The following MAP3K5 variants were observed in gnomAD, a reference collection of about 807,000 sequenced individuals.
MAP3K5 encodes the protein mitogen-activated protein kinase kinase kinase 5, also known as ASK-1.
MAP3K5 carries 56 observed loss-of-function variants against 158.7 expected under a neutral mutation model. The observed-to-expected ratio is 0.35, with a 90% CI of 0.28 to 0.44. The LOEUF (loss-of-function observed/expected upper bound fraction) is 0.44. Among genes scored for constraint, MAP3K5 ranks in the 20% least tolerant of loss-of-function variants. The pLI is 1.00. For synonymous variants in MAP3K5, 579 were observed against 601.7 expected, an observed-to-expected ratio of 0.96 and a Z score of 0.55; for missense variants, 1,294 against 1,674.8, an observed-to-expected ratio of 0.77 and a Z score of 3.97.
chr6:136,779,862 TG>T (rs1784546154), intron 1 of MAP3K5, among the ~76,000 whole-genome samples: 1 of 152,242 alleles, frequency 6.6e-6, no homozygotes, highest in Non-Finnish European at 1.5e-5. Flanking sequence ...ACATGTTCCC[TG>T]ACCTAAAATA....
intron 1 of MAP3K5, among the ~76,000 whole-genome samples, chr6:136,734,421 G>GGAA (rs1554307217): frequency 3.5e-5 from 2 of 56,736 alleles, no homozygotes; most frequent in African/African-American, 6.9e-5. Flanking sequence ...CTCTGTCTCG[G>GGAA]AAAAAAAAAA....
chr6:136,591,846 T>C (rs1426346222), intron 23 of MAP3K5, among the ~76,000 whole-genome samples: 2 of 152,254 alleles, frequency 1.3e-5, no homozygotes, highest in African/African-American at 4.8e-5. Context: ...GCTTAATGTG[T>C]GTTTATTGAT....
At chr6:136,770,845 A>G (rs1453928195) in intron 1 of MAP3K5, among the ~76,000 whole-genome samples, 2 of 152,236 alleles carry the variant, frequency 1.3e-5, no homozygotes, top group African/African-American at 4.8e-5. Flanking sequence ...ATTTTGACTA[A>G]TTAAAAAATC....
chr6:136,590,275 A>G (rs969162164), intron 23 of MAP3K5, among the ~76,000 whole-genome samples: 18 of 152,170 alleles, frequency 1.2e-4, no homozygotes, highest in Admixed American at 1.3e-4. Context: ...TTTATAAATT[A>G]CTGAGTCTCA....
chr6:136,710,263 A>T (rs1438099074), intron 2 of MAP3K5, among the ~76,000 whole-genome samples: 1 of 152,172 alleles, frequency 6.6e-6, no homozygotes, highest in African/African-American at 2.4e-5. Flanking sequence ...AGCTCATGGA[A>T]ATTTTCCTCT....
intron 1 of MAP3K5, among the ~76,000 whole-genome samples, chr6:136,748,132 T>C (rs897116331): frequency 6.6e-5 from 10 of 152,216 alleles, no homozygotes; most frequent in African/African-American, 2.2e-4. Context: ...AATGTGTCCA[T>C]GTAGGCATAG....
At chr6:136,658,879 G>A (rs187674606) in intron 9 of MAP3K5, among the ~76,000 whole-genome samples, 6 of 152,358 alleles carry the variant, frequency 3.9e-5, no homozygotes, top group Admixed American at 2.0e-4. Context: ...TCTAACAGCT[G>A]CAATGGAAAT....
intron 17 of MAP3K5, among the ~76,000 whole-genome samples, chr6:136,612,581 A>G (rs1328157406): frequency 6.6e-6 from 1 of 152,204 alleles, no homozygotes; most frequent in African/African-American, 2.4e-5. Flanking sequence ...TAAAAAATGT[A>G]TTAGTTCTGA....
rs769167041 is a variant in MAP3K5, at chr6:136,614,256, T to C, written c.2181A>G (p.Ala727=). The C allele has an allele frequency of 1.2e-5, 20 of 1,613,598 alleles. No homozygotes were observed. Among genetic ancestry groups the C allele is most frequent in the Middle Eastern group, 1.6e-4 (1 of 6,082 alleles). The change falls in exon 16 of 30, where the codon GCA becomes GCG. Residue 727 remains alanine (A), a synonymous_variant. Coordinates refer to ENST00000359015, the MANE Select transcript of MAP3K5 (RefSeq NM_005923.4). ...TTTTGTGCTTCAGGTGTTTATGCAA[T>C]GCTATTTCTTCATGCAGGGGCTGAG... The part of the protein sequence containing the change: ...RYSQPLHEEI[A]LHKHLKHKNI...
chr6:136,653,978 G>C (rs1164204807), intron 10 of MAP3K5, among the ~76,000 whole-genome samples: 1 of 152,142 alleles, frequency 6.6e-6, no homozygotes, highest in African/African-American at 2.4e-5. Flanking sequence ...CTGCATTTTA[G>C]AGTCTTGTCA....
intron 23 of MAP3K5, among the ~76,000 whole-genome samples, chr6:136,586,618 C>T (rs1176259352): frequency 6.6e-6 from 1 of 152,164 alleles, no homozygotes; most frequent in East Asian, 1.9e-4. Flanking sequence ...TCCTGCACTC[C>T]TAGTACCAGG....
At chr6:136,745,737 C>T (rs1277970471) in intron 1 of MAP3K5, among the ~76,000 whole-genome samples, 2 of 152,160 alleles carry the variant, frequency 1.3e-5, no homozygotes, top group Non-Finnish European at 2.9e-5. Flanking sequence ...AGAAGAAGGG[C>T]CCGTGGACAT....
Sources: allele counts gnomAD v4.1 joint callset (sites outside exome capture counted in the v4.1 genomes callset), GRCh38; gene constraint gnomAD v4.1.1; transcripts MANE v1.5; gene names NCBI Gene and HGNC (gene_info 2026-07-23, HGNC 2026-07-21).